The following NBEAL2 variants were observed in gnomAD, a reference collection of about 807,000 sequenced individuals.
The protein encoded by NBEAL2 is neurobeachin-like protein 2.
NBEAL2 carries 160 observed loss-of-function variants against 299.8 expected under a neutral mutation model. The observed-to-expected ratio is 0.53, with a 90% CI of 0.47 to 0.61. The LOEUF (loss-of-function observed/expected upper bound fraction) is 0.61. NBEAL2 is among the 20% of genes least tolerant of loss of function. NBEAL2 has a pLI of 0.00. For missense variants in NBEAL2, 3,112 were observed against 3,649.0 expected (o/e 0.85, Z 3.79); for synonymous variants, 1,493 against 1,542.3 (o/e 0.97, Z 0.75).
rs200266051 is a variant in NBEAL2, at chr3:47,001,765, G to A, written c.4721G>A (p.Arg1574His). The part of the protein sequence containing the change: ...PHLANGTADL[R>H]EMAQIGLRLV... ...CTGGCCAACGGCACAGCTGATCTCC[G>A]TGAGATGGCGCAGATTGGCCTACGG... The change falls in exon 30 of 54, where the codon CGT (arginine) becomes CAT (histidine). Residue 1574 changes from arginine (R) to histidine (H), a missense_variant. Around this residue, in one of 3 missense-constraint regions of NBEAL2, gnomAD observed 2,243 missense variants for 2,538.1 expected, o/e 0.88. Coordinates refer to ENST00000450053, the MANE Select transcript of NBEAL2 (RefSeq NM_015175.3). This position sits in a 1 kb window ranked among gnomAD's most constrained non-coding sequence, Gnocchi z 6.1. 35 of 1,613,924 alleles carry A rather than the reference G, an allele frequency of 2.2e-5. No homozygotes were observed. Among genetic ancestry groups the A allele is most frequent in the Middle Eastern group, 1.6e-4 (1 of 6,062 alleles).
At chr3:46,997,832 C>CAGGG in intron 20 of NBEAL2, 138 bp downstream of exon 20, 1 of 1,305,584 alleles carries the variant, frequency 7.7e-7, no homozygotes, top group Non-Finnish European at 1.0e-6. Flanking sequence ...AAAGGCCGAG[C>CAGGG]AGGGTTGGGT....
chr3:47,007,109 A>T lies in NBEAL2; in HGVS notation c.7178A>T (p.His2393Leu). Residue 2393 changes from histidine to leucine, a missense_variant, in exon 46 of 54, where the codon CAC becomes CTC. His to Leu is a moderately conservative substitution (Grantham distance 99). This residue lies in a region of NBEAL2 where 521 missense variants were observed against 729.6 expected (regional missense o/e 0.71). Transcript: ENST00000450053. ...GVPLVLALVP[H>L]RQPHSFITQG... The stretch of plus-strand genomic sequence containing the variant: ...CCCCTGGTGCTAGCCCTGGTCCCCC[A>T]CCGGCAGCCCCACTCCTTCATCACC... The T allele has an allele frequency of 6.2e-7, 1 of 1,613,586 alleles. No individual in the cohort carries two copies. The highest frequency in any genetic ancestry group is 8.5e-7 in the Non-Finnish European group (1 of 1,179,718).
Position 47,009,392 on chromosome 3 carries a change from C to T in NBEAL2, c.*72C>T. 7.0e-7 allele frequency: 1 copy of T among 1,431,192 alleles called. No homozygotes were observed. Among genetic ancestry groups the T allele is most frequent in the Non-Finnish European group, 9.5e-7 (1 of 1,050,022 alleles). 88.7% of individuals were successfully genotyped at this position (1,431,192 alleles called of 1,614,324 possible). ...CCGGGAGGCCCCGCCCAGAAGTCGG[C>T]GGGAACACCCCGGGGTGGGCAGCCC... On this transcript the variant is annotated 3_prime_UTR_variant, in exon 54 of 54. Coordinates refer to ENST00000450053, the MANE Select transcript of NBEAL2 (RefSeq NM_015175.3).
intron 49 of NBEAL2, 69 bp downstream of exon 49, chr3:47,007,979 C>T: frequency 6.3e-7 from 1 of 1,579,000 alleles, no homozygotes; most frequent in Non-Finnish European, 8.7e-7. Context: ...CCCTCAGTGG[C>T]CTTCCAGTCC....
intron 20 of NBEAL2, 64 bp from the exon 21 acceptor site, chr3:46,998,003 T>C (rs933307111): frequency 6.7e-7 from 1 of 1,490,176 alleles, no homozygotes; most frequent in African/African-American, 1.4e-5. Context: ...GAGTGGCAGC[T>C]GAAAAGCTCA....
Position 46,999,459 on chromosome 3 carries a change from C to T in NBEAL2, c.3688C>T (p.Leu1230=), listed in dbSNP as rs752064664. The change falls in exon 25 of 54, where the codon CTG becomes TTG. Residue 1230 remains leucine (L), a synonymous_variant. Transcript: ENST00000450053. ...CCAGCTCTGCCAGGGCCTCTACAAG[C>T]TGTTCCTGGGGGCAGGTACAACCTG... ...SPQLCQGLYK[L]FLGADCLNLS... is the part of the protein sequence containing the mutation. The T allele has an allele frequency of 1.3e-6, 2 of 1,580,790 alleles. No homozygotes were observed. Among genetic ancestry groups the T allele is most frequent in the Non-Finnish European group, 1.7e-6 (2 of 1,163,424 alleles).
intron 6 of NBEAL2, among the ~76,000 whole-genome samples, chr3:46,990,891 T>A (rs925216527): frequency 6.6e-6 from 1 of 152,146 alleles, no homozygotes; most frequent in African/African-American, 2.4e-5. Flanking sequence ...GCCCTGGTCA[T>A]CATGGGGAAG....
At chr3:46,992,600 C>T (rs994773544) in intron 10 of NBEAL2, 45 bp downstream of exon 10, 2 of 1,509,768 alleles carry the variant, frequency 1.3e-6, no homozygotes, top group Non-Finnish European at 1.8e-6. Context: ...CTGGGACTCC[C>T]TCTTTGAGCT....
In NBEAL2 at chr3:47,004,252, A is replaced by C. The variant is rs777252571; in HGVS notation, c.6057A>C (p.Arg2019Ser). ...TPVSSPSQTP[R>S]PQPGPIPPHT... is the part of the protein sequence containing the mutation. Reference sequence around the variant, plus strand: ...TCTCATCTCCTAGCCAGACTCCCAGACCCCAGCCTGGCCCCATCCCACCCC... The same window carrying C: ...TCTCATCTCCTAGCCAGACTCCCAGCCCCCAGCCTGGCCCCATCCCACCCC... Residue 2019 changes from arginine to serine, a missense_variant, in exon 37 of 54, where the codon AGA becomes AGC. Around this residue, in one of 3 missense-constraint regions of NBEAL2, gnomAD observed 521 missense variants for 729.6 expected, o/e 0.71. Coordinates refer to ENST00000450053, the MANE Select transcript of NBEAL2 (RefSeq NM_015175.3). The surrounding 1 kb of genome is among the most constrained non-coding windows in gnomAD (Gnocchi z 5.0). The C allele has an allele frequency of 6.2e-7, 1 of 1,613,472 alleles. No individual in the cohort carries two copies. Among genetic ancestry groups the C allele is most frequent in the Non-Finnish European group, 8.5e-7 (1 of 1,179,760 alleles).
chr3:47,009,285 G>A lies in NBEAL2; in HGVS notation c.8230G>A (p.Gly2744Arg), dbSNP rs201641746. The stretch of plus-strand genomic sequence containing the variant: ...GCGGCGCATCTCCCAGGTGTCCTCG[G>A]GAGAGACGGAATACAACCCTACTGA... Reference protein sequence around the residue: ...SSRRISQVSSGETEYNPTEAR With the variant: ...SSRRISQVSSRETEYNPTEAR Residue 2744 changes from glycine (G) to arginine (R), a missense_variant, in exon 54 of 54, where the codon GGA (glycine) becomes AGA (arginine). Physicochemically the swap from Gly to Arg is moderately radical, Grantham distance 125. Transcript: ENST00000450053. 6.2e-7 allele frequency: 1 copy of A among 1,601,698 alleles called. No homozygotes were observed. Among genetic ancestry groups the A allele is most frequent in the South Asian group, 1.1e-5 (1 of 88,666 alleles).
chr3:47,009,512 G>A lies in NBEAL2; in HGVS notation c.*192G>A. 3.3e-6 allele frequency: 2 copies of A among 613,610 alleles called. No individual in the cohort carries two copies. Among genetic ancestry groups the A allele is most frequent in the Non-Finnish European group, 5.7e-6 (2 of 353,714 alleles). 38.0% of individuals were successfully genotyped at this position (613,610 alleles called of 1,614,324 possible). A position where few individuals can be genotyped will look rare whatever the true frequency, so the allele number is the denominator to read the frequency against. Reference sequence around the variant, plus strand: ...GCGGGCGGAAGTCCCGCCCCTCGCCGGCTGAGGGGCCGCCCTGAGGGCCAG... The same window carrying A: ...GCGGGCGGAAGTCCCGCCCCTCGCCAGCTGAGGGGCCGCCCTGAGGGCCAG... On this transcript the variant is annotated 3_prime_UTR_variant, in exon 54 of 54. Transcript: ENST00000450053.
In NBEAL2 at chr3:47,007,086, C is replaced by T; in HGVS notation, c.7155C>T (p.Pro2385=). The stretch of plus-strand genomic sequence containing the variant: ...TGCAGGTTGTCAGTGATGGTGTACC[C>T]CTGGTGCTAGCCCTGGTCCCCCACC... The part of the protein sequence containing the change: ...FFAEVVSDGV[P]LVLALVPHRQ... Residue 2385 remains proline (P), a synonymous_variant, in exon 46 of 54, where the codon CCC becomes CCT. Transcript: ENST00000450053. The T allele has an allele frequency of 6.2e-7, 1 of 1,612,482 alleles. No homozygotes were observed. Among genetic ancestry groups the T allele is most frequent in the Non-Finnish European group, 8.5e-7 (1 of 1,179,226 alleles).
At chr3:46,996,120 GC>G (rs1156872464) in intron 15 of NBEAL2, 69 bp downstream of exon 15, 2 of 1,553,088 alleles carry the variant, frequency 1.3e-6, no homozygotes, top group African/African-American at 2.7e-5. Flanking sequence ...GGCAGGTGTA[GC>G]CTGGAGCCCT....
In NBEAL2 at chr3:46,991,455, G is replaced by C. The variant is rs1191240679; in HGVS notation, c.692G>C (p.Ser231Thr). 2 of 1,611,888 alleles carry C rather than the reference G, an allele frequency of 1.2e-6. No individual in the cohort carries two copies. The highest frequency in any genetic ancestry group is 2.2e-5 in the East Asian group (1 of 44,860). ...GATGGCTCTGTGAAGGGCCTGCTGA[G>C]TGTGGTGCGGGGCTGGAGCCGTGGG... Reference protein sequence around the residue: ...VSDGSVKGLLSVVRGWSRGPA... With the variant: ...VSDGSVKGLLTVVRGWSRGPA... The change falls in exon 8 of 54, where the codon AGT (serine) becomes ACT (threonine). Residue 231 changes from serine (S) to threonine (T), a missense_variant. Ser to Thr is a moderately conservative substitution (Grantham distance 58). Transcript: ENST00000450053. This position sits in a 1 kb window ranked among gnomAD's most constrained non-coding sequence, Gnocchi z 6.2.
rs2036093940 is a variant in NBEAL2, at chr3:46,991,597, G to C, written c.834G>C (p.Glu278Asp). 6.2e-7 allele frequency: 1 copy of C among 1,601,020 alleles called. No homozygotes were observed. Among genetic ancestry groups the C allele is most frequent in the Non-Finnish European group, 8.5e-7 (1 of 1,179,834 alleles). Residue 278 changes from glutamate to aspartate, a missense_variant, in exon 8 of 54, where the codon GAG becomes GAC. Glu to Asp is a conservative substitution (Grantham distance 45). Transcript: ENST00000450053. The surrounding 1 kb of genome is among the most constrained non-coding windows in gnomAD (Gnocchi z 6.2). ...PRGPELRALL[E>D]SYFHVLNADW... Reference sequence around the variant, plus strand: ...GCCCAGAGCTTCGTGCCCTGCTTGAGAGCTACTTCCATGTCCTTAATGCTG... The same window carrying C: ...GCCCAGAGCTTCGTGCCCTGCTTGACAGCTACTTCCATGTCCTTAATGCTG...
At chr3:46,992,585 A>G (rs1021425908) in intron 10 of NBEAL2, 30 bp downstream of exon 10, 1 of 1,548,614 alleles carries the variant, frequency 6.5e-7, no homozygotes. Flanking sequence ...CAGCTCAGAC[A>G]CCCCCTGGGA....
chr3:46,998,755 G>T lies in NBEAL2; in HGVS notation c.3260G>T (p.Arg1087Leu). 1 of 1,581,166 alleles carries T rather than the reference G, an allele frequency of 6.3e-7. No homozygotes were observed. The highest frequency in any genetic ancestry group is 8.6e-7 in the Non-Finnish European group (1 of 1,163,760). ...RERPLAADDLRTVQTSLLGLA... is the reference protein window; with the variant it reads ...RERPLAADDLLTVQTSLLGLA... Reference sequence around the variant, plus strand: ...CGCCCCCTGGCTGCTGACGACCTACGCACCGTGCAGACCTCCCTCCTGGGC... The same window carrying T: ...CGCCCCCTGGCTGCTGACGACCTACTCACCGTGCAGACCTCCCTCCTGGGC... The change falls in exon 23 of 54, where the codon CGC becomes CTC. Residue 1087 changes from arginine to leucine, a missense_variant. Arg to Leu is a moderately radical substitution (Grantham distance 102). Coordinates refer to ENST00000450053, the MANE Select transcript of NBEAL2 (RefSeq NM_015175.3).
At chr3:47,005,406 C>T (rs1292085221) in intron 40 of NBEAL2, 83 bp from the exon 41 acceptor site, 19 of 1,572,450 alleles carry the variant, frequency 1.2e-5, no homozygotes, top group Non-Finnish European at 1.6e-5. Context: ...CCACCCCTGG[C>T]TCCCTTCTTC....
Position 46,998,556 on chromosome 3 carries a change from C to A in NBEAL2, c.3212C>A (p.Thr1071Asn), listed in dbSNP as rs1038733270. Residue 1071 changes from threonine (T) to asparagine (N), a missense_variant, in exon 22 of 54, where the codon ACC becomes AAC. Physicochemically the swap from Thr to Asn is moderately conservative, Grantham distance 65. This residue lies in a region of NBEAL2 where 2,243 missense variants were observed against 2,538.1 expected (regional missense o/e 0.88). Transcript: ENST00000450053. Reference sequence around the variant, plus strand: ...CAGTTTATCTTGGATGCTCTGCGCACCCACTACAGGTGAGGCCAGTGGGGC... The same window carrying A: ...CAGTTTATCTTGGATGCTCTGCGCAACCACTACAGGTGAGGCCAGTGGGGC... Reference protein sequence around the residue: ...GVQFILDALRTHYSPQRERPL... With the variant: ...GVQFILDALRNHYSPQRERPL... 6 of 1,610,464 alleles carry A rather than the reference C, an allele frequency of 3.7e-6. No individual in the cohort carries two copies. Among genetic ancestry groups the A allele is most frequent in the Non-Finnish European group, 5.1e-6 (6 of 1,178,588 alleles).
Sources: gnomAD v4.1 joint callset for allele counts (sites outside exome capture counted in the v4.1 genomes callset) on GRCh38, gnomAD v4.1.1 for gene constraint, gnomAD v4.1.1 regional missense constraint, Gnocchi (gnomAD v3.1) non-coding constraint, MANE v1.5 for transcripts, NCBI Gene and HGNC (gene_info 2026-07-23, HGNC 2026-07-21) for gene names.